Variants in NHSL1 observed in about 807,000 individuals in gnomAD.
NHSL1 encodes NHS-like protein 1.
NHSL1 carries 48 observed loss-of-function variants against 95.0 expected under a neutral mutation model. That is an observed-to-expected ratio of 0.51 (90% CI 0.40 to 0.64). The LOEUF is 0.64. NHSL1 is among the 30% of genes least tolerant of loss of function. The pLI is 0.00. For missense variants in NHSL1, 1,971 were observed against 2,077.7 expected (o/e 0.95, Z 1.00); for synonymous variants, 783 against 833.9 (o/e 0.94, Z 1.05).
chr6:138,631,353 G>A (rs1784817135), intron 1 of NHSL1, among the ~76,000 whole-genome samples: 1 of 152,158 alleles, frequency 6.6e-6, no homozygotes, highest in African/African-American at 2.4e-5. Context: ...ACTAGACAGG[G>A]CATGTGAACT....
chr6:138,692,228 T>G lies in NHSL1; in HGVS notation c.96+248A>C, dbSNP rs1035316429. ...AGGAGCAGACAAGGGGACTGTCCAATTCCCACCCTCCGCGCCCACTCTCTC... is the reference window on the plus strand; with the variant it reads ...AGGAGCAGACAAGGGGACTGTCCAAGTCCCACCCTCCGCGCCCACTCTCTC... On this transcript the variant is annotated intron_variant, in intron 1 of 3. Transcript: ENST00000491526. The surrounding 1 kb of genome is among the most constrained non-coding windows in gnomAD (Gnocchi z 4.0). The G allele has an allele frequency of 8.8e-6, 4 of 455,208 alleles. No individual in the cohort carries two copies. Among genetic ancestry groups the G allele is most frequent in the Non-Finnish European group, 1.8e-5 (4 of 226,088 alleles). The allele number at this position is 455,208 out of a possible 1,614,324, so 28.2% of individuals were successfully genotyped here. A position where few individuals can be genotyped will look rare whatever the true frequency, so the allele number is the denominator to read the frequency against.
At chr6:138,661,969 G>A (rs1197150268) in intron 1 of NHSL1, among the ~76,000 whole-genome samples, 1 of 152,086 alleles carries the variant, frequency 6.6e-6, no homozygotes, top group Non-Finnish European at 1.5e-5. Flanking sequence ...AGCTACTTGA[G>A]AGGCTGAGGT....
Position 138,504,742 on chromosome 6 carries a change from C to T in NHSL1, c.17-8371G>A, listed in dbSNP as rs552432562. Among the ~76,000 whole-genome samples the T allele has an allele frequency of 1.6e-4, 25 of 152,272 alleles. No individual in the cohort carries two copies. In the East Asian group the frequency reaches 1.9e-3, roughly 12 times the overall value. On this transcript the variant is annotated intron_variant, in intron 1 of 4. Coordinates refer to the NHSL1 transcript ENST00000342260. ...TAACTAGAACTCTGGTGTCAAATGACAAGTAGGTTTGAATAGGATTGACCA... is the reference window on the plus strand; with the variant it reads ...TAACTAGAACTCTGGTGTCAAATGATAAGTAGGTTTGAATAGGATTGACCA...
chr6:138,692,221 T>A lies in NHSL1; in HGVS notation c.96+255A>T. 4.4e-6 allele frequency: 2 copies of A among 455,714 alleles called. No individual in the cohort carries two copies. The highest frequency in any genetic ancestry group is 8.8e-6 in the Non-Finnish European group (2 of 226,280). 28.2% of individuals were successfully genotyped at this position (455,714 alleles called of 1,614,324 possible). On this transcript the variant is annotated intron_variant, in intron 1 of 3. Transcript: ENST00000491526. This position sits in a 1 kb window ranked among gnomAD's most constrained non-coding sequence, Gnocchi z 4.0. ...AGACAGAAGGAGCAGACAAGGGGAC[T>A]GTCCAATTCCCACCCTCCGCGCCCA...
chr6:138,448,036 C>T (rs997066579), intron 3 of NHSL1, among the ~76,000 whole-genome samples: 2 of 152,180 alleles, frequency 1.3e-5, no homozygotes, highest in Admixed American at 6.5e-5. Flanking sequence ...ACTTATACGG[C>T]ACTGACTAAA....
At chr6:138,670,361 C>A (rs538553520) in intron 1 of NHSL1, among the ~76,000 whole-genome samples, 45 of 148,490 alleles carry the variant, frequency 3.0e-4, no homozygotes, top group African/African-American at 1.1e-3. Flanking sequence ...CAGCAAACAC[C>A]GTTGAAGGTA....
chr6:138,459,851 T>C (rs894220610), intron 3 of NHSL1, among the ~76,000 whole-genome samples: 2 of 152,180 alleles, frequency 1.3e-5, no homozygotes, highest in African/African-American at 2.4e-5. Context: ...ATATTATTAA[T>C]ATATAATTAG....
rs552954031 is a variant in NHSL1, at chr6:138,447,084, G to C, written c.449C>G (p.Ser150Trp). The C allele has an allele frequency of 6.4e-7, 1 of 1,551,728 alleles. No individual in the cohort carries two copies. The change falls in exon 4 of 8, where the codon TCG becomes TGG. Residue 150 changes from serine to tryptophan, a missense_variant. By Grantham distance (177) the Ser-to-Trp change is radical (BLOSUM62 -3). Coordinates refer to ENST00000343505, the MANE Select transcript of NHSL1 (RefSeq NM_001144060.2). ...DLNTQTNWTK[S>W]LPLPTPEEKM... ...CTCTTCTGGTGTTGGCAGTGGAAGC[G>C]ACTTGGTCCAGTTCGTCTGAGTATT...
upstream of NHSL1, chr6:138,692,623 C>A: frequency 5.8e-6 from 1 of 173,264 alleles, no homozygotes; most frequent in Non-Finnish European, 1.2e-5. The surrounding 1 kb of genome is among the most constrained non-coding windows in gnomAD (Gnocchi z 4.0). Context: ...GACAGGTCGG[C>A]CAGCTGCGCC....
intron 3 of NHSL1, among the ~76,000 whole-genome samples, chr6:138,453,703 T>C (rs1390340303): frequency 3.3e-5 from 5 of 151,980 alleles, no homozygotes; most frequent in Non-Finnish European, 7.4e-5. Context: ...CAAGCCACCA[T>C]GCCCAGCTAA....
At chr6:138,459,931 T>C (rs1777882961) in intron 3 of NHSL1, among the ~76,000 whole-genome samples, 1 of 152,208 alleles carries the variant, frequency 6.6e-6, no homozygotes, top group Non-Finnish European at 1.5e-5. Context: ...ATATTTCTTT[T>C]AATGAGCTGT....
chr6:138,522,169 C>T (rs987796253), intron 1 of NHSL1, among the ~76,000 whole-genome samples: 2 of 152,156 alleles, frequency 1.3e-5, no homozygotes, highest in Non-Finnish European at 2.9e-5. Flanking sequence ...GAAAGCAGAT[C>T]AGATGCAGAC....
At chr6:138,552,175 C>A (rs1310701101) in intron 1 of NHSL1, among the ~76,000 whole-genome samples, 1 of 152,196 alleles carries the variant, frequency 6.6e-6, no homozygotes, top group Non-Finnish European at 1.5e-5. Context: ...AATCCCAGCA[C>A]TTTGGGAGGC....
intron 1 of NHSL1, among the ~76,000 whole-genome samples, chr6:138,670,617 G>A (rs1210951579): frequency 2.4e-5 from 3 of 125,380 alleles, no homozygotes; most frequent in Non-Finnish European, 4.8e-5. Context: ...AGTGAGCCGA[G>A]ATCCCGCCAC....
intron 5 of NHSL1, among the ~76,000 whole-genome samples, chr6:138,439,666 A>T (rs918251365): frequency 1.3e-5 from 2 of 152,148 alleles, no homozygotes; most frequent in Non-Finnish European, 2.9e-5. Flanking sequence ...TTTTTGTTTT[A>T]AAAAAACTAG....
At chr6:138,559,594 C>G (rs1783335721) in intron 1 of NHSL1, among the ~76,000 whole-genome samples, 1 of 152,148 alleles carries the variant, frequency 6.6e-6, no homozygotes, top group African/African-American at 2.4e-5. Context: ...AGGCCTTTCT[C>G]CAACACCAAG....
rs573487053 is a variant in NHSL1, at chr6:138,527,117, G to C, written c.16+18506C>G. 5.9e-5 allele frequency among the ~76,000 whole-genome samples: 9 copies of C among 152,230 alleles called. No individual in the cohort carries two copies. In the South Asian group the frequency reaches 1.7e-3, roughly 28 times the overall value. ...AGCTGTGTAGGCAGCACACAAATCC[G>C]AGCCGTCGCTCTTCAGTCTCCTCCT... On this transcript the variant is annotated intron_variant, in intron 1 of 4. Coordinates refer to the NHSL1 transcript ENST00000342260.
Position 138,473,413 on chromosome 6 carries a change from C to G in NHSL1, c.232G>C (p.Asp78His), listed in dbSNP as rs1282438370. 6.6e-7 allele frequency: 1 copy of G among 1,509,958 alleles called. No individual in the cohort carries two copies. Among genetic ancestry groups the G allele is most frequent in the African/African-American group, 1.4e-5 (1 of 71,670 alleles). 93.5% of individuals were successfully genotyped at this position (1,509,958 alleles called of 1,614,324 possible). A position where few individuals can be genotyped will look rare whatever the true frequency, so the allele number is the denominator to read the frequency against. The change falls in exon 3 of 8, where the codon GAT (aspartate) becomes CAT (histidine). Residue 78 changes from aspartate to histidine, a missense_variant. By Grantham distance (81) the Asp-to-His change is moderately conservative (BLOSUM62 -1). Coordinates refer to ENST00000343505, the MANE Select transcript of NHSL1 (RefSeq NM_001144060.2). ...TAGTACTGAGAACTGCGGTAGCCAT[C>G]ATGCCGCAACTTATCGCATTCTGCA... The part of the protein sequence containing the change: ...VLRECDKLRH[D>H]GYRSSQYYSQ...
chr6:138,683,036 G>A (rs142639929), intron 1 of NHSL1, among the ~76,000 whole-genome samples: 37 of 152,326 alleles, frequency 2.4e-4, no homozygotes, highest in Non-Finnish European at 5.1e-4. Flanking sequence ...AGGAAGCGAG[G>A]TGGGAGCTGA....
Sources: gnomAD v4.1 joint callset for allele counts (sites outside exome capture counted in the v4.1 genomes callset) on GRCh38, gnomAD v4.1.1 for gene constraint, Gnocchi (gnomAD v3.1) non-coding constraint, MANE v1.5 for transcripts, NCBI Gene and HGNC (gene_info 2026-07-23, HGNC 2026-07-21) for gene names.